The following GALNT13 variants were observed in gnomAD, a reference collection of about 807,000 sequenced individuals.
The protein encoded by GALNT13 is UDP-GalNAc:polypeptide N-acetylgalactosaminyltransferase 13.
In GALNT13, 28 loss-of-function variants were observed where a neutral mutation model predicts 64.2. The observed-to-expected ratio is 0.44, with a 90% CI of 0.32 to 0.60. GALNT13 has a LOEUF of 0.60. Ranked by LOEUF, GALNT13 falls within the 20% of genes least tolerant of loss-of-function variation. The pLI, the probability that GALNT13 is intolerant of heterozygous loss-of-function variation, is 0.05. For missense variants in GALNT13, 577 were observed against 669.8 expected (o/e 0.86, Z 1.53); for synonymous variants, 214 against 224.6 (o/e 0.95, Z 0.42).
chr2:153,202,630 A>C, the GALNT13 span, among the ~76,000 whole-genome samples: 1 of 152,326 alleles, frequency 6.6e-6, no homozygotes, highest in African/African-American at 2.4e-5. Context: ...TGAAGCAAAC[A>C]CATATGTAAC....
At chr2:154,307,626 T>A (rs1232514538) in intron 9 of GALNT13, among the ~76,000 whole-genome samples, 3 of 152,108 alleles carry the variant, frequency 2.0e-5, no homozygotes, top group African/African-American at 7.2e-5. Flanking sequence ...TTTTCACATT[T>A]GTTTAGTTTG....
chr2:154,276,425 G>T (rs1052042834), intron 8 of GALNT13, among the ~76,000 whole-genome samples: 12 of 152,120 alleles, frequency 7.9e-5, no homozygotes, highest in Admixed American at 6.5e-5. Context: ...TGCAACATCT[G>T]CATCTTCACC....
chr2:154,015,647 C>G (rs1035783834), intron 3 of GALNT13, among the ~76,000 whole-genome samples: 1 of 152,140 alleles, frequency 6.6e-6, no homozygotes, highest in Non-Finnish European at 1.5e-5. Context: ...CCTTCTCCTA[C>G]TTTAATTATA....
chr2:154,293,659 A>G (rs1446201747), intron 8 of GALNT13, among the ~76,000 whole-genome samples: 2 of 152,164 alleles, frequency 1.3e-5, no homozygotes, highest in African/African-American at 4.8e-5. Flanking sequence ...TATACATAGC[A>G]TGTGACAGAG....
the GALNT13 span, among the ~76,000 whole-genome samples, chr2:153,503,667 C>T: frequency 6.6e-6 from 1 of 152,158 alleles, no homozygotes; most frequent in Non-Finnish European, 1.5e-5. Context: ...TATCAAACTC[C>T]TGGCCTCAAA....
At chr2:153,072,184 C>A in the GALNT13 span, among the ~76,000 whole-genome samples, 1 of 152,138 alleles carries the variant, frequency 6.6e-6, no homozygotes, top group South Asian at 2.1e-4. Context: ...GAAGGCCAAA[C>A]CTCATTTTTA....
At chr2:153,981,311 C>T (rs1694445056) in intron 3 of GALNT13, among the ~76,000 whole-genome samples, 1 of 152,050 alleles carries the variant, frequency 6.6e-6, no homozygotes, top group South Asian at 2.1e-4. Flanking sequence ...TGGTGTGCTG[C>T]ACCCATTAAC....
intron 3 of GALNT13, among the ~76,000 whole-genome samples, chr2:154,009,096 T>C (rs1236821934): frequency 1.3e-5 from 2 of 152,144 alleles, no homozygotes; most frequent in Non-Finnish European, 2.9e-5. Flanking sequence ...GGGCCCAGTT[T>C]CACTCTTCTG....
rs150847626 is a variant in GALNT13, at chr2:153,974,091, C to G, written c.142+29452C>G. On this transcript the variant is annotated intron_variant, in intron 3 of 12. Transcript: ENST00000392825. ...CTTCTTGCTGCCTTGATGTTCTTCC[C>G]CTACCAATCTTTTCTCCACACTGAT... Among the ~76,000 whole-genome samples, 593 of 152,106 alleles carry G rather than the reference C, an allele frequency of 3.9e-3. 2 individuals carry two copies. The highest frequency in any genetic ancestry group is 0.014 in the African/African-American group (568 of 41,528).
intron 3 of GALNT13, among the ~76,000 whole-genome samples, chr2:153,954,139 C>T (rs1052757558): frequency 1.1e-4 from 16 of 152,000 alleles, no homozygotes; most frequent in Non-Finnish European, 1.5e-4. Context: ...CCTATGTTTA[C>T]ATAAGGGAGA....
the GALNT13 span, among the ~76,000 whole-genome samples, chr2:153,661,914 T>A: frequency 6.6e-6 from 1 of 152,226 alleles, no homozygotes; most frequent in Non-Finnish European, 1.5e-5. Flanking sequence ...TGCACATGCA[T>A]CTTTACACAT....
intron 9 of GALNT13, among the ~76,000 whole-genome samples, chr2:154,329,604 A>G (rs902338229): frequency 5.3e-5 from 8 of 152,202 alleles, no homozygotes; most frequent in African/African-American, 1.9e-4. Flanking sequence ...CCCAGCAGCT[A>G]TAGTTGGGAT....
intron 1 of GALNT13, among the ~76,000 whole-genome samples, chr2:153,879,966 A>G (rs1686669563): frequency 6.6e-6 from 1 of 152,208 alleles, no homozygotes; most frequent in Non-Finnish European, 1.5e-5. Flanking sequence ...TCAGTAATAC[A>G]TAATGTTGCA....
the GALNT13 span, among the ~76,000 whole-genome samples, chr2:153,588,449 G>A: frequency 3.9e-5 from 6 of 152,158 alleles, no homozygotes; most frequent in African/African-American, 4.8e-5. Flanking sequence ...TAACTTCTGG[G>A]CACTCACAGG....
At chr2:153,259,138 A>G in the GALNT13 span, among the ~76,000 whole-genome samples, 1 of 152,094 alleles carries the variant, frequency 6.6e-6, no homozygotes, top group African/African-American at 2.4e-5. Context: ...TAAAATTGTT[A>G]TGTCCTCTTG....
At chr2:153,717,963 T>TG in the GALNT13 span, among the ~76,000 whole-genome samples, 8 of 150,540 alleles carry the variant, frequency 5.3e-5, no homozygotes, top group East Asian at 1.4e-3. Context: ...AAAAATTAGT[T>TG]TTTTTTTTTA....
chr2:154,138,155 C>T (rs7592932), intron 3 of GALNT13, among the ~76,000 whole-genome samples: 1 of 151,992 alleles, frequency 6.6e-6, no homozygotes, highest in Non-Finnish European at 1.5e-5. Flanking sequence ...CTACCTAAAT[C>T]TCCTTTGTAT....
the GALNT13 span, among the ~76,000 whole-genome samples, chr2:153,425,315 T>C: frequency 6.6e-6 from 1 of 151,730 alleles, no homozygotes; most frequent in East Asian, 1.9e-4. Context: ...TTGTTTGCAA[T>C]ATTTTATTAT....
chr2:153,635,443 C>CATATATATGTGTATATATATAT, the GALNT13 span, among the ~76,000 whole-genome samples: 3 of 144,530 alleles, frequency 2.1e-5, no homozygotes, highest in Non-Finnish European at 4.5e-5. Flanking sequence ...TATATATACA[C>CATATATATGTGTATATATATAT]ACATATATAT....
Sources: allele counts gnomAD v4.1 joint callset (sites outside exome capture counted in the v4.1 genomes callset), GRCh38; gene constraint gnomAD v4.1.1; transcripts MANE v1.5; gene names NCBI Gene and HGNC (gene_info 2026-07-23, HGNC 2026-07-21).